CD72: variants seen among roughly 807,000 people sequenced by gnomAD.
CD72 encodes B-cell differentiation antigen CD72.
In CD72, 28 loss-of-function variants were observed where a neutral mutation model predicts 50.7. That is an observed-to-expected ratio of 0.55 (90% CI 0.41 to 0.76). The LOEUF is 0.76. Ranked by LOEUF, CD72 falls within the 30% of genes least tolerant of loss-of-function variation. CD72 has a pLI of 0.00. For synonymous variants in CD72, 176 were observed against 171.2 expected (o/e 1.03, Z -0.22); for missense variants, 403 against 420.6 (o/e 0.96, Z 0.37).
intron 1 of CD72, among the ~76,000 whole-genome samples, chr9:35,640,378 T>A (rs1257147322): frequency 6.6e-6 from 1 of 152,256 alleles, no homozygotes; most frequent in African/African-American, 2.4e-5. Flanking sequence ...GCAAGCCTTG[T>A]GTTCTCTGAC....
upstream of CD72, among the ~76,000 whole-genome samples, chr9:35,622,278 T>C (rs1406151497): frequency 1.3e-5 from 2 of 152,158 alleles, no homozygotes; most frequent in Non-Finnish European, 2.9e-5. Flanking sequence ...TGAGGGAGAC[T>C]TGGATTTCTT....
upstream of CD72, among the ~76,000 whole-genome samples, chr9:35,622,585 G>A (rs570967119): frequency 2.0e-5 from 3 of 152,066 alleles, no homozygotes; most frequent in Admixed American, 6.6e-5. Flanking sequence ...TCAGAATTTC[G>A]AGACCAGCCT....
At position 35,616,135 on chromosome 9, in the gene CD72, G is replaced by C; in HGVS notation, c.496C>G (p.Gln166Glu). The C allele has an allele frequency of 6.2e-7, 1 of 1,614,112 alleles. No homozygotes were observed. The highest frequency in any genetic ancestry group is 2.2e-5 in the East Asian group (1 of 44,866). ...DLQGSRRELA[Q>E]SQEALQVEQR... ...TCCACCTGTAGTGCTTCCTGACTCT[G>C]CGCCAGCTCTCTCCTGGACCCCTGC... Residue 166 changes from glutamine (Q) to glutamate (E), a missense_variant, in exon 5 of 9, where the codon CAG (glutamine) becomes GAG (glutamate). Transcript: ENST00000259633.
chr9:35,645,828 G>T (rs771742086), intron 1 of CD72, among the ~76,000 whole-genome samples: 1 of 151,856 alleles, frequency 6.6e-6, no homozygotes, highest in African/African-American at 2.4e-5. Context: ...TGCCCTGGCC[G>T]GATGGCTTCC....
At chr9:35,610,497 A>G in intron 8 of CD72, 105 bp downstream of exon 8, 1 of 542,924 alleles carries the variant, frequency 1.8e-6, no homozygotes, top group Non-Finnish European at 2.7e-6. Context: ...CTTTCATCCC[A>G]GGTACAAGTT....
At chr9:35,645,618 A>T (rs983383446) in intron 1 of CD72, among the ~76,000 whole-genome samples, 8 of 152,146 alleles carry the variant, frequency 5.3e-5, no homozygotes, top group African/African-American at 1.9e-4. Context: ...CTTGGTCTGT[A>T]TTATGCATTG....
chr9:35,633,206 C>T (rs915753037), intron 1 of CD72, among the ~76,000 whole-genome samples: 81 of 149,390 alleles, frequency 5.4e-4, no homozygotes, highest in African/African-American at 1.5e-3. Context: ...CTTCCCAAAG[C>T]GCTGGGATTA....
At chr9:35,613,820 A>G (rs1461830512) in intron 5 of CD72, among the ~76,000 whole-genome samples, 2 of 152,176 alleles carry the variant, frequency 1.3e-5, no homozygotes, top group African/African-American at 2.4e-5. Flanking sequence ...CCTGGTCAAC[A>G]TGGTGAAACC....
In CD72 at chr9:35,610,712, GT is replaced by G; in HGVS notation, c.991del (p.Thr331LeufsTer22). On this transcript the variant is annotated frameshift_variant, in exon 8 of 9. Transcript: ENST00000259633. LOFTEE classifies it high-confidence loss of function. ...QSSKCNKVHKTWSWWTLESES... is the reference protein window; with the variant it reads ...QSSKCNKVHKXWSWWTLESES... ...TGACTCCAGTGTCCACCATGACCAA[GT>G]TTTATGTACCTTGTTACATTTTGAG... is the stretch of plus-strand genomic sequence containing the variant. 6.2e-7 allele frequency: 1 copy of G among 1,612,396 alleles called. No homozygotes were observed. The highest frequency in any genetic ancestry group is 1.1e-5 in the South Asian group (1 of 91,064).
chr9:35,610,298 T>G lies in CD72; in HGVS notation c.*25A>C. 1 of 240,270 alleles carries G rather than the reference T, an allele frequency of 4.2e-6. No individual in the cohort carries two copies. Among genetic ancestry groups the G allele is most frequent in the South Asian group, 9.1e-5 (1 of 11,028 alleles). The allele number at this position is 240,270 out of a possible 1,614,324, so 14.9% of individuals were successfully genotyped here. A position where few individuals can be genotyped will look rare whatever the true frequency, so the allele number is the denominator to read the frequency against. On this transcript the variant is annotated splice_region_variant and 3_prime_UTR_variant, in exon 9 of 9. Coordinates refer to ENST00000259633, the MANE Select transcript of CD72 (RefSeq NM_001782.3). ...GGGCACAGGTTCTTGTTGGCATGAG[T>G]GTCTGGAAAAGTAAAGTATCAGTGA...
intron 3 of CD72, 148 bp from the exon 4 acceptor site, chr9:35,616,837 G>A (rs1190517436): frequency 1.0e-6 from 1 of 1,000,778 alleles, no homozygotes; most frequent in East Asian, 2.6e-5. Context: ...GGTGGTTTCT[G>A]TCGGGTAGCG....
chr9:35,639,248 C>A (rs969940647), intron 1 of CD72, among the ~76,000 whole-genome samples: 2 of 151,804 alleles, frequency 1.3e-5, no homozygotes, highest in African/African-American at 4.8e-5. Context: ...GGTTAAGCAC[C>A]CTTAGGGCAA....
rs1172173803 is a variant in CD72 at position 35,610,903 on chromosome 9, C to G, written c.951-150G>C. 5.5e-6 allele frequency: 3 copies of G among 549,638 alleles called. No homozygotes were observed. The Admixed American group carries it at 9.7e-5, about 18-fold the overall frequency. 34.0% of individuals were successfully genotyped at this position (549,638 alleles called of 1,614,324 possible). On this transcript the variant is annotated intron_variant, in intron 7 of 8. Transcript: ENST00000259633. ...TGGTTCAGGACAGATGTCTGGAGTT[C>G]AACTAAAACAGACTTTAGAACCAGC...
At chr9:35,629,158 T>C (rs1229547034) in intron 1 of CD72, among the ~76,000 whole-genome samples, 1 of 152,148 alleles carries the variant, frequency 6.6e-6, no homozygotes, top group Non-Finnish European at 1.5e-5. Context: ...ATTACAGACA[T>C]GAGCCACTGC....
At chr9:35,621,057 C>A (rs1823143542), upstream of CD72, among the ~76,000 whole-genome samples, 1 of 152,144 alleles carries the variant, frequency 6.6e-6, no homozygotes, top group African/African-American at 2.4e-5. Context: ...CACTTGGGGT[C>A]TTTACAGTTT....
chr9:35,623,493 G>A (rs1053908282), upstream of CD72, among the ~76,000 whole-genome samples: 11 of 152,000 alleles, frequency 7.2e-5, no homozygotes, highest in African/African-American at 2.7e-4. Flanking sequence ...TTTACTTTGT[G>A]TTTTTTATCC....
intron 1 of CD72, among the ~76,000 whole-genome samples, chr9:35,630,211 G>T (rs569351179): frequency 1.3e-5 from 2 of 151,676 alleles, no homozygotes; most frequent in Non-Finnish European, 2.9e-5. Context: ...GCTAATTTTT[G>T]TATTTTTGTA....
chr9:35,621,739 C>T (rs1477589476), upstream of CD72, among the ~76,000 whole-genome samples: 1 of 152,094 alleles, frequency 6.6e-6, no homozygotes, highest in Non-Finnish European at 1.5e-5. Flanking sequence ...GGAAGGAGGG[C>T]CAGAGAGACG....
At chr9:35,613,099 T>C (rs1823012234) in intron 5 of CD72, 106 bp from the exon 6 acceptor site, 6 of 893,922 alleles carry the variant, frequency 6.7e-6, no homozygotes, top group South Asian at 1.6e-5. Context: ...AGCACCTTCA[T>C]GGACTTCTAT....
Sources: allele counts gnomAD v4.1 joint callset (sites outside exome capture counted in the v4.1 genomes callset), GRCh38; gene constraint gnomAD v4.1.1; transcripts MANE v1.5; gene names NCBI Gene and HGNC (gene_info 2026-07-23, HGNC 2026-07-21).